GLCE: variants seen among roughly 807,000 people sequenced by gnomAD.
GLCE encodes D-glucuronyl C5-epimerase.
GLCE carries 19 observed loss-of-function variants against 47.9 expected under a neutral mutation model. That is an observed-to-expected ratio of 0.40 (90% CI 0.28 to 0.58). The LOEUF is 0.58. Among genes scored for constraint, GLCE ranks in the 20% least tolerant of loss-of-function variants. The pLI, the probability that GLCE is intolerant of heterozygous loss-of-function variation, is 0.48. For synonymous variants in GLCE, 245 were observed against 263.4 expected (o/e 0.93, Z 0.68); for missense variants, 556 against 743.3 (o/e 0.75, Z 2.93).
chr15:69,214,212 C>G (rs1202494472), intron 2 of GLCE, among the ~76,000 whole-genome samples: 1 of 151,970 alleles, frequency 6.6e-6, no homozygotes, highest in African/African-American at 2.4e-5. Flanking sequence ...TGCTTTTAGG[C>G]CTTTCAGGAG....
At chr15:69,166,908 C>CAAAAA (rs34522584) in intron 1 of GLCE, among the ~76,000 whole-genome samples, 1 of 42,468 alleles carries the variant, frequency 2.4e-5, no homozygotes, top group Non-Finnish European at 4.1e-5. Context: ...GACTCTGTCT[C>CAAAAA]AAAAAAAAAA....
chr15:69,261,452 A>G (rs2140448216), intron 4 of GLCE, 123 bp downstream of exon 4: 1 of 902,708 alleles, frequency 1.1e-6, no homozygotes, highest in South Asian at 1.7e-5. Context: ...ACATATATAA[A>G]GTAACAAATG....
chr15:69,206,893 T>C (rs1321720612), intron 1 of GLCE, among the ~76,000 whole-genome samples: 1 of 152,060 alleles, frequency 6.6e-6, no homozygotes, highest in African/African-American at 2.4e-5. Context: ...TGTATATTAA[T>C]CATGTATTTA....
chr15:69,178,268 G>T (rs1024477474), intron 1 of GLCE, among the ~76,000 whole-genome samples: 3 of 152,090 alleles, frequency 2.0e-5, no homozygotes, highest in Non-Finnish European at 4.4e-5. Flanking sequence ...GACAAAACCA[G>T]GTAGCTAATA....
intron 1 of GLCE, among the ~76,000 whole-genome samples, chr15:69,169,939 CTTA>C (rs1288319491): frequency 5.9e-5 from 9 of 152,130 alleles, no homozygotes; most frequent in African/African-American, 9.7e-5. Context: ...TAACTAATCT[CTTA>C]TTATAAGATT....
intron 1 of GLCE, among the ~76,000 whole-genome samples, chr15:69,199,280 G>A (rs1235203532): frequency 6.6e-6 from 1 of 152,068 alleles, no homozygotes; most frequent in East Asian, 1.9e-4. Context: ...ATTTTAATAG[G>A]AATTCTAGAA....
chr15:69,228,548 G>T (rs896764906), intron 2 of GLCE, among the ~76,000 whole-genome samples: 2 of 152,044 alleles, frequency 1.3e-5, no homozygotes, highest in Admixed American at 6.6e-5. Flanking sequence ...CAAGAGAGAA[G>T]AGAAAGAATA....
intron 1 of GLCE, among the ~76,000 whole-genome samples, chr15:69,166,635 C>T (rs542210695): frequency 5.3e-5 from 8 of 152,050 alleles, no homozygotes; most frequent in South Asian, 2.1e-4. Context: ...AACTATTACT[C>T]GAGGCCAGGC....
intron 2 of GLCE, among the ~76,000 whole-genome samples, chr15:69,230,029 GT>G (rs1196643109): frequency 1.3e-5 from 2 of 151,946 alleles, no homozygotes; most frequent in African/African-American, 4.8e-5. Context: ...GGCCAACATG[GT>G]GAAACCCCAT....
chr15:69,245,159 C>G (rs1451169910), intron 2 of GLCE, among the ~76,000 whole-genome samples: 1 of 151,750 alleles, frequency 6.6e-6, no homozygotes, highest in Non-Finnish European at 1.5e-5. Context: ...GTGGTGAAAC[C>G]CTTTCTCTAC....
intron 2 of GLCE, among the ~76,000 whole-genome samples, chr15:69,223,244 T>A (rs2052401430): frequency 6.6e-6 from 1 of 152,214 alleles, no homozygotes; most frequent in Non-Finnish European, 1.5e-5. Flanking sequence ...GCAGGTCTAG[T>A]GGTAATGAAT....
At chr15:69,191,021 TTTAC>T (rs2051904062) in intron 1 of GLCE, among the ~76,000 whole-genome samples, 2 of 152,190 alleles carry the variant, frequency 1.3e-5, no homozygotes, top group African/African-American at 4.8e-5. Context: ...ACTTCTATAT[TTTAC>T]TTCTGTATTT....
chr15:69,261,495 C>A (rs772334555), intron 4 of GLCE, among the ~76,000 whole-genome samples, 166 bp downstream of exon 4: 1 of 151,834 alleles, frequency 6.6e-6, no homozygotes, highest in Admixed American at 6.6e-5. Flanking sequence ...AAAAAAGATA[C>A]AGCTAAAAAG....
At chr15:69,163,769 T>G (rs926271202) in intron 1 of GLCE, among the ~76,000 whole-genome samples, 2 of 152,182 alleles carry the variant, frequency 1.3e-5, no homozygotes, top group Non-Finnish European at 2.9e-5. Context: ...TAAGTACAAG[T>G]TAGAGAAACC....
chr15:69,249,708 A>G (rs17360351), intron 2 of GLCE, among the ~76,000 whole-genome samples: 9,146 of 152,230 alleles, frequency 0.06, 358 homozygotes, highest in East Asian at 0.1. Flanking sequence ...CTGAAATACA[A>G]CCTTCATATT....
At position 69,268,987 on chromosome 15, in the gene GLCE, G is replaced by A; in HGVS notation, c.1597G>A (p.Glu533Lys). The change falls in exon 5 of 5, where the codon GAA becomes AAA. Residue 533 changes from glutamate to lysine, a missense_variant. This residue lies in a region of GLCE where 245 missense variants were observed against 368.1 expected (regional missense o/e 0.67). Coordinates refer to ENST00000261858, the MANE Select transcript of GLCE (RefSeq NM_015554.3). ...AACTGCAGGGGAAAAACTCGGAAAA[G>A]AAGCAAGGTCCTTGTATGAGCGTGG... ...KETAGEKLGKEARSLYERGME... is the reference protein window; with the variant it reads ...KETAGEKLGKKARSLYERGME... 6.2e-7 allele frequency: 1 copy of A among 1,614,228 alleles called. No individual in the cohort carries two copies. The highest frequency in any genetic ancestry group is 2.2e-5 in the East Asian group (1 of 44,886).
At chr15:69,243,637 G>A (rs1292578290) in intron 2 of GLCE, among the ~76,000 whole-genome samples, 1 of 150,774 alleles carries the variant, frequency 6.6e-6, no homozygotes, top group Non-Finnish European at 1.5e-5. Context: ...GCTGTCACTG[G>A]TGATTTTCAT....
chr15:69,187,026 A>G (rs1371718824), intron 1 of GLCE, among the ~76,000 whole-genome samples: 3 of 152,230 alleles, frequency 2.0e-5, no homozygotes, highest in South Asian at 2.1e-4. Context: ...TGAAATTAAG[A>G]TGACACTAAA....
chr15:69,248,758 G>A (rs1164528960), intron 2 of GLCE, among the ~76,000 whole-genome samples: 9 of 152,016 alleles, frequency 5.9e-5, no homozygotes, highest in Non-Finnish European at 1.2e-4. Context: ...GCACCACCAC[G>A]CCCAGCTAAT....
Sources: gnomAD v4.1 joint callset for allele counts (sites outside exome capture counted in the v4.1 genomes callset) on GRCh38, gnomAD v4.1.1 for gene constraint, gnomAD v4.1.1 regional missense constraint, MANE v1.5 for transcripts, NCBI Gene and HGNC (gene_info 2026-07-23, HGNC 2026-07-21) for gene names.